Variants in RNF170 observed in about 807,000 individuals in gnomAD.
RNF170 encodes ring finger protein 170.
RNF170 carries 12 observed loss-of-function variants against 32.7 expected under a neutral mutation model. The observed-to-expected ratio is 0.37, with a 90% CI of 0.24 to 0.60. The LOEUF (loss-of-function observed/expected upper bound fraction) is 0.60, where lower values mean the gene tolerates loss of function less well. Among genes scored for constraint, RNF170 ranks in the 20% least tolerant of loss-of-function variants. The pLI is 0.72. For missense variants in RNF170, 212 were observed against 311.2 expected (o/e 0.68, Z 2.40); for synonymous variants, 91 against 103.6 (o/e 0.88, Z 0.74).
chr8:42,866,990 C>T (rs966986200), intron 4 of RNF170, among the ~76,000 whole-genome samples: 6 of 152,234 alleles, frequency 3.9e-5, no homozygotes, highest in African/African-American at 1.4e-4. Flanking sequence ...CTTCTCCCTC[C>T]ACGAACCTCT....
rs71231874 is a variant in RNF170, at chr8:42,863,980, AGTGTGTGTGTGT to A, written c.396+1424_396+1435del. The stretch of plus-strand genomic sequence containing the variant: ...AAGGCTGAAGGAGAGAGAGAGAGAG[AGTGTGTGTGTGT>A]GTGTGTGTGTGTGTGTGTGTGAACA... On this transcript the variant is annotated intron_variant, in intron 5 of 6. Coordinates refer to ENST00000527424, the MANE Select transcript of RNF170 (RefSeq NM_030954.4). Among the ~76,000 whole-genome samples, 245 of 139,584 alleles carry A rather than the reference AGTGTGTGTGTGT, an allele frequency of 1.8e-3. 1 individual carries two copies. The highest frequency in any genetic ancestry group is 6.3e-3 in the African/African-American group (232 of 37,086). 91.6% of individuals were successfully genotyped at this position (139,584 alleles called of 152,430 possible).
chr8:42,883,054 C>T (rs1452985852), intron 2 of RNF170, among the ~76,000 whole-genome samples: 1 of 151,390 alleles, frequency 6.6e-6, no homozygotes, highest in African/African-American at 2.4e-5. Context: ...CAAGAGAGAA[C>T]CTGTCTCAAG....
rs1486895696 is a variant in RNF170, at chr8:42,887,788, A to G, written c.77T>C (p.Val26Ala). 6.2e-7 allele frequency: 1 copy of G among 1,613,886 alleles called. No homozygotes were observed. The highest frequency in any genetic ancestry group is 8.5e-7 in the Non-Finnish European group (1 of 1,179,734). The change falls in exon 2 of 7, where the codon GTA becomes GCA. Residue 26 changes from valine to alanine, a missense_variant. Coordinates refer to ENST00000527424, the MANE Select transcript of RNF170 (RefSeq NM_030954.4). ...DSVIEGVSDQVLVAVVVSFAL... is the reference protein window; with the variant it reads ...DSVIEGVSDQALVAVVVSFAL... ...GAAACTGACCACAACTGCCACAAGT[A>G]CTTGGTCGCTTACTCCTTCTATAAC...
intron 1 of RNF170, among the ~76,000 whole-genome samples, chr8:42,891,925 T>C (rs1037963365): frequency 3.9e-5 from 6 of 152,212 alleles, no homozygotes; most frequent in African/African-American, 1.4e-4. Context: ...GTTTCAATTC[T>C]TTCAAGTATG....
intron 2 of RNF170, among the ~76,000 whole-genome samples, chr8:42,883,578 A>G (rs1454355595): frequency 6.6e-6 from 1 of 150,700 alleles, no homozygotes; most frequent in Non-Finnish European, 1.5e-5. Flanking sequence ...CAGAAAAAAA[A>G]AAAAAAAAAA....
chr8:42,870,450 G>GGT (rs1251554127), intron 3 of RNF170, among the ~76,000 whole-genome samples: 1 of 152,310 alleles, frequency 6.6e-6, no homozygotes, highest in East Asian at 1.9e-4. Context: ...GTCGAGGTCA[G>GGT]GTGCAGTGAC....
intron 3 of RNF170, among the ~76,000 whole-genome samples, chr8:42,870,481 C>A (rs944614374): frequency 3.9e-5 from 6 of 152,168 alleles, no homozygotes; most frequent in Admixed American, 3.3e-4. Flanking sequence ...AATCCCAGCA[C>A]TTTGGGAGGC....
At chr8:42,881,407 AAGG>A (rs949337610) in intron 2 of RNF170, 79 of 152,276 alleles carry the variant, frequency 5.2e-4, no homozygotes, top group African/African-American at 1.9e-3. Flanking sequence ...CAGGTTGCCT[AAGG>A]AGGAGTGAAT....
chr8:42,875,165 G>A (rs1381650888), intron 2 of RNF170, among the ~76,000 whole-genome samples: 16 of 142,572 alleles, frequency 1.1e-4, no homozygotes, highest in Non-Finnish European at 2.3e-4. Context: ...GAGCAAAACC[G>A]TCTTAAAAAA....
chr8:42,864,763 A>C (rs1362014008), intron 5 of RNF170, among the ~76,000 whole-genome samples: 1 of 146,652 alleles, frequency 6.8e-6, no homozygotes, highest in East Asian at 2.0e-4. Context: ...TCCTCACTGG[A>C]AAAAGACAGA....
chr8:42,858,986 CA>C (rs1325900221), intron 6 of RNF170, among the ~76,000 whole-genome samples: 1 of 151,932 alleles, frequency 6.6e-6, no homozygotes, highest in Non-Finnish European at 1.5e-5. Context: ...AGTTTGAGAA[CA>C]GCCTGGCCAA....
chr8:42,855,074 G>A lies in RNF170; in HGVS notation c.*1085C>T. On this transcript the variant is annotated 3_prime_UTR_variant, in exon 7 of 7. Transcript: ENST00000527424. ...ACGAAGATTCACCTTCCTCAGAAAT[G>A]CATCAGGCTACTCTGTGTTTGCAGC... is the stretch of plus-strand genomic sequence containing the variant. 1 of 1,287,192 alleles carries A rather than the reference G, an allele frequency of 7.8e-7. No individual in the cohort carries two copies. Among genetic ancestry groups the A allele is most frequent in the Non-Finnish European group, 1.0e-6 (1 of 988,684 alleles). 79.7% of individuals were successfully genotyped at this position (1,287,192 alleles called of 1,614,324 possible).
chr8:42,861,090 T>TA (rs780815557), intron 6 of RNF170, among the ~76,000 whole-genome samples: 6 of 152,244 alleles, frequency 3.9e-5, no homozygotes, highest in Non-Finnish European at 5.9e-5. Context: ...CTGTGAAACT[T>TA]AAAGTTTTCA....
At chr8:42,892,516 C>T (rs1438850039) in intron 1 of RNF170, among the ~76,000 whole-genome samples, 2 of 152,146 alleles carry the variant, frequency 1.3e-5, no homozygotes, top group Non-Finnish European at 2.9e-5. Context: ...CAAGTGACTA[C>T]AGTTCAGTTT....
chr8:42,890,562 C>A (rs1277954013), intron 1 of RNF170, among the ~76,000 whole-genome samples: 1 of 152,160 alleles, frequency 6.6e-6, no homozygotes, highest in Non-Finnish European at 1.5e-5. Context: ...CAGGTGTGAG[C>A]CACTGCACCC....
At position 42,853,435 on chromosome 8, in the gene RNF170, C is replaced by A. The variant is rs1251420179; in HGVS notation, c.*2724G>T. Reference sequence around the variant, plus strand: ...TATCTGCATAGCCACAAGGGATCCACATAGTCCTTTCTTCCCTTGTACCTC... The same window carrying A: ...TATCTGCATAGCCACAAGGGATCCAAATAGTCCTTTCTTCCCTTGTACCTC... On this transcript the variant is annotated 3_prime_UTR_variant, in exon 7 of 7. Coordinates refer to ENST00000527424, the MANE Select transcript of RNF170 (RefSeq NM_030954.4). 7.8e-7 allele frequency: 1 copy of A among 1,287,036 alleles called. No individual in the cohort carries two copies. Among genetic ancestry groups the A allele is most frequent in the East Asian group, 5.5e-5 (1 of 18,032 alleles). 79.7% of individuals were successfully genotyped at this position (1,287,036 alleles called of 1,614,324 possible).
chr8:42,854,019 G>A lies in RNF170; in HGVS notation c.*2140C>T, dbSNP rs904930042. The A allele has an allele frequency of 7.8e-7, 1 of 1,287,032 alleles. No homozygotes were observed. The highest frequency in any genetic ancestry group is 1.0e-6 in the Non-Finnish European group (1 of 988,676). The allele number at this position is 1,287,032 out of a possible 1,614,324, so 79.7% of individuals were successfully genotyped here. ...ATTCCCCCACACCAAATGTGTAATTGGTAGGAAATGCATTTCCAGTCTGGT... is the reference window on the plus strand; with the variant it reads ...ATTCCCCCACACCAAATGTGTAATTAGTAGGAAATGCATTTCCAGTCTGGT... On this transcript the variant is annotated 3_prime_UTR_variant, in exon 7 of 7. Transcript: ENST00000527424.
intron 1 of RNF170, among the ~76,000 whole-genome samples, chr8:42,891,433 C>T (rs1250577769): frequency 2.0e-5 from 3 of 152,126 alleles, no homozygotes; most frequent in Non-Finnish European, 4.4e-5. Context: ...TTAACTGCCT[C>T]CTTTATTGTC....
intron 2 of RNF170, among the ~76,000 whole-genome samples, chr8:42,875,868 C>A (rs868746303): frequency 4.6e-5 from 7 of 152,340 alleles, no homozygotes; most frequent in Middle Eastern, 3.4e-3. Flanking sequence ...AGCCACCGCA[C>A]CCGGCCTAAA....
Sources: gnomAD v4.1 joint callset for allele counts (sites outside exome capture counted in the v4.1 genomes callset) on GRCh38, gnomAD v4.1.1 for gene constraint, MANE v1.5 for transcripts, NCBI Gene and HGNC (gene_info 2026-07-23, HGNC 2026-07-21) for gene names.